Variants in PRKG1 observed in about 807,000 individuals in gnomAD.
The protein encoded by PRKG1 is protein kinase cGMP-dependent 1.
Under a neutral mutation model 88.1 loss-of-function variants are expected in PRKG1, and 35 were observed. The ratio of observed to expected loss-of-function variants is 0.40; its 90% CI spans 0.30 to 0.53. PRKG1 has a LOEUF of 0.53. Among genes scored for constraint, PRKG1 ranks in the 20% least tolerant of loss-of-function variants. The pLI is 0.59. For missense variants in PRKG1, 540 were observed against 839.8 expected (o/e 0.64, Z 4.41); for synonymous variants, 303 against 292.5 (o/e 1.04, Z -0.37).
chr10:51,474,779 T>C (rs1840146598), intron 3 of PRKG1, among the ~76,000 whole-genome samples: 2 of 151,962 alleles, frequency 1.3e-5, no homozygotes, highest in Admixed American at 6.6e-5. Flanking sequence ...TCATGACAAG[T>C]GTGTTTGCCT....
intron 1 of PRKG1, among the ~76,000 whole-genome samples, chr10:51,087,824 G>C (rs180975638): frequency 1.3e-5 from 2 of 152,300 alleles, no homozygotes; most frequent in East Asian, 3.9e-4. Flanking sequence ...GTGTGCAGTG[G>C]TGCGATCTTG....
intron 3 of PRKG1, among the ~76,000 whole-genome samples, chr10:51,525,266 G>GA (rs1276864348): frequency 1.3e-5 from 2 of 149,892 alleles, no homozygotes; most frequent in African/African-American, 2.5e-5. Context: ...GGGAAGGAAG[G>GA]AAAAAAAGGA....
rs1305138224 is a variant in PRKG1, at chr10:51,900,155, A to G, written c.699-7352A>G. 3.9e-5 allele frequency among the ~76,000 whole-genome samples: 6 copies of G among 152,182 alleles called. No homozygotes were observed. The East Asian group carries it at 1.2e-3, about 29-fold the overall frequency. On this transcript the variant is annotated intron_variant, in intron 4 of 17. Transcript: ENST00000373980. ...CTATTATAGCAATGCAAAACAGACTAACATACATATCTTCTTCTGCATTCA... is the reference window on the plus strand; with the variant it reads ...CTATTATAGCAATGCAAAACAGACTGACATACATATCTTCTTCTGCATTCA...
intron 2 of PRKG1, among the ~76,000 whole-genome samples, chr10:51,287,494 A>G (rs893663008): frequency 9.9e-5 from 15 of 152,236 alleles, no homozygotes; most frequent in Admixed American, 3.3e-4. Flanking sequence ...GGCAGTTCAG[A>G]TGAAGGTCCT....
chr10:51,304,135 A>G (rs911410508), intron 2 of PRKG1, among the ~76,000 whole-genome samples: 2 of 152,092 alleles, frequency 1.3e-5, no homozygotes, highest in Admixed American at 6.6e-5. Context: ...ATTTTAAAAC[A>G]TTGTAAATGA....
chr10:51,434,757 G>A (rs1838870370), intron 2 of PRKG1, among the ~76,000 whole-genome samples: 1 of 152,100 alleles, frequency 6.6e-6, no homozygotes, highest in African/African-American at 2.4e-5. Context: ...AGTGGAAATA[G>A]AAACTCTTCA....
chr10:51,877,406 G>C (rs533631989), intron 4 of PRKG1, among the ~76,000 whole-genome samples: 100 of 152,202 alleles, frequency 6.6e-4, no homozygotes, highest in African/African-American at 2.3e-3. Context: ...GTAAGTGCAT[G>C]ATGGTATCTA....
At chr10:51,981,716 C>G (rs2133110397) in intron 5 of PRKG1, among the ~76,000 whole-genome samples, 1 of 152,222 alleles carries the variant, frequency 6.6e-6, no homozygotes, top group South Asian at 2.1e-4. Flanking sequence ...TGTCGCTTAT[C>G]TGACATTTTT....
At chr10:52,191,387 C>G (rs1442195446) in intron 9 of PRKG1, among the ~76,000 whole-genome samples, 2 of 147,862 alleles carry the variant, frequency 1.4e-5, no homozygotes, top group African/African-American at 5.1e-5. Flanking sequence ...AGGCTGTTTT[C>G]AAACTTCTGG....
chr10:51,799,070 A>G (rs1286633991), intron 3 of PRKG1, among the ~76,000 whole-genome samples: 2 of 151,938 alleles, frequency 1.3e-5, no homozygotes. Context: ...GAATAATTCC[A>G]AGAGCTGCTA....
chr10:51,314,181 C>A (rs994495073), intron 2 of PRKG1, among the ~76,000 whole-genome samples: 3 of 152,210 alleles, frequency 2.0e-5, no homozygotes, highest in African/African-American at 4.8e-5. Flanking sequence ...GGTCACACAG[C>A]AACGTCATGG....
chr10:51,583,667 A>G (rs776628701), intron 3 of PRKG1, among the ~76,000 whole-genome samples: 1 of 152,110 alleles, frequency 6.6e-6, no homozygotes, highest in Non-Finnish European at 1.5e-5. Flanking sequence ...TTAAAATTTC[A>G]TAAGCAAATG....
chr10:51,525,595 G>A (rs1841861284), intron 3 of PRKG1, among the ~76,000 whole-genome samples: 1 of 152,126 alleles, frequency 6.6e-6, no homozygotes, highest in African/African-American at 2.4e-5. Flanking sequence ...CTACTCGGGA[G>A]GCTGAGGCAG....
At chr10:51,456,942 G>A (rs950700845) in intron 2 of PRKG1, among the ~76,000 whole-genome samples, 5 of 152,118 alleles carry the variant, frequency 3.3e-5, no homozygotes, top group South Asian at 4.1e-4. Context: ...AACATTAAAC[G>A]TTGGCATGGA....
intron 1 of PRKG1, among the ~76,000 whole-genome samples, chr10:51,105,247 A>G (rs1362553541): frequency 1.3e-5 from 2 of 152,254 alleles, no homozygotes; most frequent in Admixed American, 6.5e-5. Flanking sequence ...GATAAATTGA[A>G]AAACATTCTG....
chr10:52,238,520 A>C (rs1394843406), intron 9 of PRKG1, among the ~76,000 whole-genome samples: 4 of 152,010 alleles, frequency 2.6e-5, no homozygotes, highest in Non-Finnish European at 5.9e-5. Context: ...GGACATGAAC[A>C]GACACTTCTC....
intron 2 of PRKG1, among the ~76,000 whole-genome samples, chr10:51,316,067 G>T (rs1184032845): frequency 6.6e-6 from 1 of 152,160 alleles, no homozygotes; most frequent in African/African-American, 2.4e-5. Flanking sequence ...ATTACAATCT[G>T]ACTAACAGAA....
At chr10:51,276,972 C>T (rs968310241) in intron 2 of PRKG1, among the ~76,000 whole-genome samples, 5 of 152,170 alleles carry the variant, frequency 3.3e-5, no homozygotes, top group African/African-American at 1.2e-4. Context: ...TTAATTAGAT[C>T]CCATTTGTCA....
chr10:52,264,673 A>G (rs1336547914), intron 10 of PRKG1, among the ~76,000 whole-genome samples: 3 of 152,106 alleles, frequency 2.0e-5, no homozygotes, highest in South Asian at 2.1e-4. Flanking sequence ...TGCCATTCCT[A>G]TTTTGCAGCT....
Sources: allele counts gnomAD v4.1 joint callset (sites outside exome capture counted in the v4.1 genomes callset), GRCh38; gene constraint gnomAD v4.1.1; transcripts MANE v1.5; gene names NCBI Gene and HGNC (gene_info 2026-07-23, HGNC 2026-07-21).